Variants in ANKFY1 observed in about 807,000 individuals in gnomAD.
The protein encoded by ANKFY1 is ankyrin repeat and FYVE domain containing 1.
In ANKFY1, 47 loss-of-function variants were observed where a neutral mutation model predicts 128.3. The observed-to-expected ratio is 0.37, with a 90% CI of 0.29 to 0.47. The LOEUF (loss-of-function observed/expected upper bound fraction) is 0.47. Ranked by LOEUF, ANKFY1 falls within the 20% of genes least tolerant of loss-of-function variation. The pLI, the probability that ANKFY1 is intolerant of heterozygous loss-of-function variation, is 1.00. For missense variants in ANKFY1, 1,222 were observed against 1,510.6 expected (o/e 0.81, Z 3.17); for synonymous variants, 553 against 601.6 (o/e 0.92, Z 1.18).
At chr17:4,228,757 A>G (rs537693031) in intron 3 of ANKFY1, among the ~76,000 whole-genome samples, 1 of 152,332 alleles carries the variant, frequency 6.6e-6, no homozygotes, top group Non-Finnish European at 1.5e-5. Context: ...GTGGCTTCAC[A>G]GGTGTATTCG....
In ANKFY1 at chr17:4,163,872, C is replaced by T. The variant is rs1180872473; in HGVS notation, c.*3907G>A. The T allele has an allele frequency of 6.6e-6, 1 of 152,650 alleles. No individual in the cohort carries two copies. Among genetic ancestry groups the T allele is most frequent in the East Asian group, 1.9e-4 (1 of 5,200 alleles). 9.5% of individuals were successfully genotyped at this position (152,650 alleles called of 1,614,324 possible). ...ATTGGTACTTCTGCATTAGAAGTAACTACAAATGTCTTATTAAAGTTTCCA... is the reference window on the plus strand; with the variant it reads ...ATTGGTACTTCTGCATTAGAAGTAATTACAAATGTCTTATTAAAGTTTCCA... On this transcript the variant is annotated 3_prime_UTR_variant, in exon 25 of 25. Coordinates refer to ENST00000341657, the MANE Select transcript of ANKFY1 (RefSeq NM_001330063.2).
rs1196220720 is a variant in ANKFY1, at chr17:4,169,455, G to A, written c.3287-167C>T. Among the ~76,000 whole-genome samples the A allele has an allele frequency of 6.6e-6, 1 of 152,232 alleles. No individual in the cohort carries two copies. Among genetic ancestry groups the A allele is most frequent in the African/African-American group, 2.4e-5 (1 of 41,466 alleles). On this transcript the variant is annotated intron_variant, in intron 23 of 24. Transcript: ENST00000341657. This position sits in a 1 kb window ranked among gnomAD's most constrained non-coding sequence, Gnocchi z 5.0. Reference sequence around the variant, plus strand: ...TAAGTGGTTCAGGGCCAGCTTCCCAGAGGAGACTGGAGAATCAGCCCTTGC... The same window carrying A: ...TAAGTGGTTCAGGGCCAGCTTCCCAAAGGAGACTGGAGAATCAGCCCTTGC...
At chr17:4,184,031 G>A (rs1019132938) in intron 12 of ANKFY1, 121 bp from the exon 13 acceptor site, 1 of 776,664 alleles carries the variant, frequency 1.3e-6, no homozygotes, top group Non-Finnish European at 2.1e-6. Context: ...GCTATAAAAA[G>A]AGAGTAGATA....
intron 11 of ANKFY1, among the ~76,000 whole-genome samples, chr17:4,185,623 C>A (rs1468635221): frequency 3.3e-5 from 5 of 152,182 alleles, no homozygotes; most frequent in Admixed American, 2.6e-4. Context: ...TGAGGCACTG[C>A]GCCTGGTTCC....
chr17:4,195,238 A>G (rs1189589050), intron 9 of ANKFY1, 61 bp from the exon 10 acceptor site: 1 of 1,511,008 alleles, frequency 6.6e-7, no homozygotes, highest in Admixed American at 1.9e-5. Flanking sequence ...CTATACTGAC[A>G]ACAACCTGGT....
In ANKFY1 at chr17:4,209,917, A is replaced by G. The variant is rs2060095777; in HGVS notation, c.489T>C (p.Asn163=). 1 of 1,613,802 alleles carries G rather than the reference A, an allele frequency of 6.2e-7. No individual in the cohort carries two copies. The highest frequency in any genetic ancestry group is 8.5e-7 in the Non-Finnish European group (1 of 1,179,722). The stretch of plus-strand genomic sequence containing the variant: ...GGTAGAAGCGAATACAGTTCCTGAC[A>G]TTCACTAGAGACATAACACCCTTCT... ...RCEKGVMSLV[N]VRNCIRFYQT... Residue 163 remains asparagine (N), a synonymous_variant, in exon 5 of 25, where the codon AAT becomes AAC. Coordinates refer to ENST00000341657, the MANE Select transcript of ANKFY1 (RefSeq NM_001330063.2).
At position 4,172,659 on chromosome 17, in the gene ANKFY1, A is replaced by T; in HGVS notation, c.3036T>A (p.Ile1012=). 1 of 1,614,080 alleles carries T rather than the reference A, an allele frequency of 6.2e-7. No individual in the cohort carries two copies. Among genetic ancestry groups the T allele is most frequent in the Non-Finnish European group, 8.5e-7 (1 of 1,179,980 alleles). The change falls in exon 22 of 25, where the codon ATT becomes ATA. Residue 1012 remains isoleucine, a synonymous_variant. Coordinates refer to ENST00000341657, the MANE Select transcript of ANKFY1 (RefSeq NM_001330063.2). ...FNLRGQSPLH[I]LGQYGKENAA... is the part of the protein sequence containing the mutation. ...CATTCTCCTTGCCATATTGTCCCAA[A>T]ATGTGCAGTGGTGACTGGCCTCTGA...
intron 14 of ANKFY1, 68 bp from the exon 15 acceptor site, chr17:4,182,417 G>T: frequency 2.3e-6 from 3 of 1,283,980 alleles, no homozygotes; most frequent in African/African-American, 1.5e-5. Context: ...TGCCCTTCTG[G>T]GCATTCCAGA....
chr17:4,208,260 A>G (rs954340371), intron 5 of ANKFY1, 178 bp from the exon 6 acceptor site: 6 of 511,674 alleles, frequency 1.2e-5, no homozygotes, highest in Non-Finnish European at 2.0e-5. Context: ...CCCATTTTAC[A>G]GAAGAAAATA....
intron 18 of ANKFY1, 24 bp from the exon 19 acceptor site, chr17:4,177,326 A>C: frequency 6.5e-7 from 1 of 1,550,220 alleles, no homozygotes; most frequent in Non-Finnish European, 8.7e-7. Context: ...TGCAAAGCAA[A>C]ATATTAGTTC....
intron 3 of ANKFY1, chr17:4,222,894 C>A: frequency 9.7e-7 from 1 of 1,032,068 alleles, no homozygotes; most frequent in Non-Finnish European, 1.5e-6. Flanking sequence ...ACCCAACAAT[C>A]CAACTCCTAT....
At chr17:4,228,463 C>T (rs1157836142) in intron 3 of ANKFY1, among the ~76,000 whole-genome samples, 2 of 151,370 alleles carry the variant, frequency 1.3e-5, no homozygotes, top group African/African-American at 2.4e-5. Context: ...GTCGTCCAGA[C>T]GGGAGTGCAA....
Position 4,226,901 on chromosome 17 carries a change from G to A in ANKFY1, c.322+8871C>T, listed in dbSNP as rs561942210. 3.9e-5 allele frequency among the ~76,000 whole-genome samples: 6 copies of A among 152,030 alleles called. No homozygotes were observed. In the South Asian group the frequency reaches 1.2e-3, roughly 32 times the overall value. On this transcript the variant is annotated intron_variant, in intron 3 of 24. Coordinates refer to ENST00000341657, the MANE Select transcript of ANKFY1 (RefSeq NM_001330063.2). The stretch of plus-strand genomic sequence containing the variant: ...ACATAAATCACCAATACCCAAGAAT[G>A]AAAAAGGAGTTATTGCTACAGACAT...
In ANKFY1 at chr17:4,182,345, G is replaced by A; in HGVS notation, c.1957C>T (p.Gln653Ter). Residue 653 changes from glutamine (Q) to a stop codon, truncating the protein, a stop_gained, in exon 15 of 25, where the codon CAG (glutamine) becomes TAG (stop). Coordinates refer to ENST00000341657, the MANE Select transcript of ANKFY1 (RefSeq NM_001330063.2). LOFTEE classifies it high-confidence loss of function. ...AGCTGGAGGGCTGTCTCCCCGTCCT[G>A]AGTCCTGCTAGGACATGCACACCCA... ...EHQADINVRT[Q>*]DGETALQLAI... is the part of the protein sequence containing the mutation. 1 of 1,570,344 alleles carries A rather than the reference G, an allele frequency of 6.4e-7. No homozygotes were observed. Among genetic ancestry groups the A allele is most frequent in the Non-Finnish European group, 8.7e-7 (1 of 1,154,802 alleles).
intron 16 of ANKFY1, chr17:4,180,145 C>A (rs190095458): frequency 1.7e-4 from 74 of 430,830 alleles, no homozygotes; most frequent in Admixed American, 3.3e-4. Flanking sequence ...GCCTGAGAAC[C>A]AGCCGGATGC....
intron 7 of ANKFY1, among the ~76,000 whole-genome samples, chr17:4,200,541 T>G (rs1468438198): frequency 6.6e-6 from 1 of 152,182 alleles, no homozygotes; most frequent in Non-Finnish European, 1.5e-5. Context: ...CAGGATGAAT[T>G]TCTTGCAAAT....
At chr17:4,241,393 C>T (rs1967213175) in intron 2 of ANKFY1, among the ~76,000 whole-genome samples, 1 of 151,636 alleles carries the variant, frequency 6.6e-6, no homozygotes, top group African/African-American at 2.4e-5. Context: ...CATTCTCCTG[C>T]CTCAGCCTCC....
intron 19 of ANKFY1, 24 bp from the exon 20 acceptor site, chr17:4,174,080 A>C (rs1184775805): frequency 6.2e-7 from 1 of 1,610,714 alleles, no homozygotes; most frequent in Non-Finnish European, 8.5e-7. Flanking sequence ...TTACATGAAC[A>C]GTCAGTCTCT....
chr17:4,182,232 G>C lies in ANKFY1; in HGVS notation c.2070C>G (p.Pro690=). The change falls in exon 15 of 25, where the codon CCC becomes CCG. Residue 690 remains proline, a synonymous_variant. Coordinates refer to ENST00000341657, the MANE Select transcript of ANKFY1 (RefSeq NM_001330063.2). ...DMSVPDEKGN[P]PLWLALANNL... The stretch of plus-strand genomic sequence containing the variant: ...TGTTTGCCAATGCAAGCCACAGCGG[G>C]GGGTTCCCCTTCTCATCTGGCACAG... 6.3e-7 allele frequency: 1 copy of C among 1,583,072 alleles called. No homozygotes were observed. The highest frequency in any genetic ancestry group is 8.6e-7 in the Non-Finnish European group (1 of 1,162,166).
Sources: gnomAD v4.1 joint callset for allele counts (sites outside exome capture counted in the v4.1 genomes callset) on GRCh38, gnomAD v4.1.1 for gene constraint, Gnocchi (gnomAD v3.1) non-coding constraint, MANE v1.5 for transcripts, NCBI Gene and HGNC (gene_info 2026-07-23, HGNC 2026-07-21) for gene names.